The following FBXO17 variants were observed in gnomAD, a reference collection of about 807,000 sequenced individuals.
FBXO17 encodes the protein F-box protein 17, also known as F-box only protein 17.
A neutral mutation model predicts 34.1 loss-of-function variants in FBXO17; 43 were observed. The ratio of observed to expected loss-of-function variants is 1.26; its 90% CI spans 0.99 to 1.62. The LOEUF (loss-of-function observed/expected upper bound fraction) is 1.62. FBXO17 is among the 40% of genes most tolerant of loss of function. FBXO17 has a pLI of 0.00. For synonymous variants in FBXO17, 169 were observed against 166.0 expected, an observed-to-expected ratio of 1.02 and a Z score of -0.14; for missense variants, 424 against 386.7, an observed-to-expected ratio of 1.10 and a Z score of -0.81.
chr19:38,949,187 C>A (rs1011904514), intron 2 of FBXO17, among the ~76,000 whole-genome samples: 1 of 152,054 alleles, frequency 6.6e-6, no homozygotes, highest in Non-Finnish European at 1.5e-5. Flanking sequence ...CTGTAACCTC[C>A]GCCTCCCAGG....
chr19:38,964,816 T>A (rs1340617147), intron 1 of FBXO17, among the ~76,000 whole-genome samples: 1 of 151,944 alleles, frequency 6.6e-6, no homozygotes, highest in African/African-American at 2.4e-5. Flanking sequence ...CTGGGAAGTG[T>A]GGATGCTGCT....
chr19:38,957,968 T>C (rs1332922431), intron 1 of FBXO17, among the ~76,000 whole-genome samples: 1 of 151,954 alleles, frequency 6.6e-6, no homozygotes, highest in Non-Finnish European at 1.5e-5. Flanking sequence ...TAGTCAGGCA[T>C]AGTGTCATGC....
chr19:38,969,651 C>A (rs1228944603), intron 1 of FBXO17, among the ~76,000 whole-genome samples: 2 of 136,076 alleles, frequency 1.5e-5, no homozygotes, highest in Non-Finnish European at 3.0e-5. Context: ...GGCTGGAGTG[C>A]AGTGGCATGA....
chr19:38,942,723 T>C lies in FBXO17; in HGVS notation c.722A>G (p.Lys241Arg), dbSNP rs145606844. 6.2e-7 allele frequency: 1 copy of C among 1,606,252 alleles called. No homozygotes were observed. The highest frequency in any genetic ancestry group is 1.3e-5 in the African/African-American group (1 of 74,346). ...CTCAAAAGATACGTAGCGGATGCCC[T>C]TGCCAAAGTTGGTGAAGACGTGGGA... ...QVSHVFTNFGKGIRYVSFEQY... is the reference protein window; with the variant it reads ...QVSHVFTNFGRGIRYVSFEQY... Residue 241 changes from lysine to arginine, a missense_variant, in exon 6 of 6, where the codon AAG becomes AGG. Coordinates refer to ENST00000292852, the MANE Select transcript of FBXO17 (RefSeq NM_024907.7).
At chr19:38,954,101 G>A (rs1446224487) in intron 1 of FBXO17, among the ~76,000 whole-genome samples, 1 of 152,038 alleles carries the variant, frequency 6.6e-6, no homozygotes, top group East Asian at 1.9e-4. Flanking sequence ...CCGCCTGAGG[G>A]TCAAGTTCAC....
intron 3 of FBXO17, chr19:38,946,793 C>T: frequency 1.7e-6 from 1 of 582,324 alleles, no homozygotes; most frequent in Admixed American, 3.1e-5. Flanking sequence ...CAGCTGACCT[C>T]TATGAAAGCC....
chr19:38,951,929 T>C (rs1975090912), intron 1 of FBXO17, among the ~76,000 whole-genome samples: 1 of 151,870 alleles, frequency 6.6e-6, no homozygotes, highest in Admixed American at 6.6e-5. Context: ...GATTATAGGC[T>C]TGAGCCACCA....
Position 38,943,420 on chromosome 19 carries a change from C to T in FBXO17, c.694-669G>A, listed in dbSNP as rs532751582. 3.8e-4 allele frequency among the ~76,000 whole-genome samples: 57 copies of T among 151,178 alleles called. 1 individual carries two copies. Among genetic ancestry groups the T allele is most frequent in the African/African-American group, 1.2e-3 (51 of 41,154 alleles). ...TCCCGAGTAGCTGGGATTACAGGCG[C>T]GCACCACCATGCCCGGCTAATTTTT... On this transcript the variant is annotated intron_variant, in intron 5 of 5. Transcript: ENST00000292852.
At chr19:38,960,603 G>C (rs1212636242) in intron 1 of FBXO17, among the ~76,000 whole-genome samples, 2 of 150,402 alleles carry the variant, frequency 1.3e-5, no homozygotes, top group Non-Finnish European at 3.0e-5. Context: ...CCGCCTCCCA[G>C]ATTCAAGGGA....
At chr19:38,970,928 C>T (rs1435850358) in intron 1 of FBXO17, among the ~76,000 whole-genome samples, 1 of 151,784 alleles carries the variant, frequency 6.6e-6, no homozygotes. Context: ...TAGTGAAACC[C>T]ATCTCTACTA....
At chr19:38,974,001 G>T (rs978194450) in intron 1 of FBXO17, among the ~76,000 whole-genome samples, 1 of 122,182 alleles carries the variant, frequency 8.2e-6, no homozygotes, top group African/African-American at 3.0e-5. Context: ...TTGAGACAGG[G>T]TCTCAAATAT....
At chr19:38,952,832 C>G in intron 1 of FBXO17, 1 of 457,218 alleles carries the variant, frequency 2.2e-6, no homozygotes, top group South Asian at 1.5e-5. Context: ...CAATCTCACA[C>G]TCACTCTCCA....
Position 38,941,946 on chromosome 19 carries a change from C to T in FBXO17, c.*662G>A, listed in dbSNP as rs947515416. 3 of 152,232 alleles carry T rather than the reference C, an allele frequency of 2.0e-5. No homozygotes were observed. The highest frequency in any genetic ancestry group is 4.4e-5 in the Non-Finnish European group (3 of 68,056). The allele number at this position is 152,232 out of a possible 1,614,324, so 9.4% of individuals were successfully genotyped here. A position where few individuals can be genotyped will look rare whatever the true frequency, so the allele number is the denominator to read the frequency against. ...TTACCCCCAAAACATGCCGGCAAGT[C>T]TCTGCTCCCTGCGTCGGCAGAGGGA... On this transcript the variant is annotated 3_prime_UTR_variant, in exon 6 of 6. Coordinates refer to ENST00000292852, the MANE Select transcript of FBXO17 (RefSeq NM_024907.7).
intron 1 of FBXO17, among the ~76,000 whole-genome samples, chr19:38,953,417 C>A (rs1975115984): frequency 6.6e-6 from 1 of 152,064 alleles, no homozygotes; most frequent in African/African-American, 2.4e-5. Flanking sequence ...AATCCCAGCA[C>A]TTTGGGAGGC....
intron 1 of FBXO17, among the ~76,000 whole-genome samples, chr19:38,962,705 T>C (rs918336777): frequency 6.6e-5 from 10 of 150,594 alleles, no homozygotes; most frequent in African/African-American, 1.9e-4. Context: ...TTTCTTTCTT[T>C]CTTTTTTCTT....
At chr19:38,967,835 G>T (rs1282319799) in intron 1 of FBXO17, among the ~76,000 whole-genome samples, 1 of 152,014 alleles carries the variant, frequency 6.6e-6, no homozygotes, top group Admixed American at 6.6e-5. Context: ...CAAAGTGCTG[G>T]GATTATGGGC....
intron 1 of FBXO17, among the ~76,000 whole-genome samples, chr19:38,950,873 C>T (rs1489319319): frequency 6.6e-6 from 1 of 152,110 alleles, no homozygotes; most frequent in Non-Finnish European, 1.5e-5. Flanking sequence ...CACATTGCAA[C>T]CTCCGCTTCC....
At chr19:38,970,139 TAATACA>T (rs941121732) in intron 1 of FBXO17, among the ~76,000 whole-genome samples, 30 of 148,140 alleles carry the variant, frequency 2.0e-4, no homozygotes, top group African/African-American at 7.0e-4. Flanking sequence ...ATATTATAAA[TAATACA>T]AATACAAAAT....
chr19:38,953,967 A>AG (rs1449973393), intron 1 of FBXO17, among the ~76,000 whole-genome samples: 2 of 151,734 alleles, frequency 1.3e-5, no homozygotes, highest in South Asian at 4.2e-4. Context: ...GGAGAGTGAA[A>AG]GGGGGGGAGG....
Sources: gnomAD v4.1 joint callset for allele counts (sites outside exome capture counted in the v4.1 genomes callset) on GRCh38, gnomAD v4.1.1 for gene constraint, MANE v1.5 for transcripts, NCBI Gene and HGNC (gene_info 2026-07-23, HGNC 2026-07-21) for gene names.